Variants in CACNA2D4 observed in about 807,000 individuals in gnomAD.
CACNA2D4 encodes voltage-dependent calcium channel subunit alpha-2/delta-4.
CACNA2D4 carries 157 observed loss-of-function variants against 163.8 expected under a neutral mutation model. The observed-to-expected ratio is 0.96, with a 90% confidence interval of 0.84 to 1.09. The LOEUF is 1.09. CACNA2D4 is among the 50% of genes least tolerant of loss of function. CACNA2D4 has a pLI of 0.00. For missense variants in CACNA2D4, 1,410 were observed against 1,479.9 expected (o/e 0.95, Z 0.78); for synonymous variants, 598 against 586.9 (o/e 1.02, Z -0.27).
intron 26 of CACNA2D4, chr12:1,836,492 GGTCA>G (rs1242871285): frequency 4.7e-4 from 72 of 152,462 alleles, no homozygotes; most frequent in African/African-American, 1.7e-3. Flanking sequence ...CCTTTGAGGA[GGTCA>G]GTCCTGGCAG....
At chr12:1,840,484 CTG>C (rs1466086538) in intron 26 of CACNA2D4, among the ~76,000 whole-genome samples, 2 of 152,010 alleles carry the variant, frequency 1.3e-5, no homozygotes, top group Non-Finnish European at 2.9e-5. Context: ...GCTGCAGTCT[CTG>C]TTCCGTGTGG....
chr12:1,900,661 T>C (rs1465477881), intron 6 of CACNA2D4, among the ~76,000 whole-genome samples: 1 of 152,170 alleles, frequency 6.6e-6, no homozygotes, highest in Non-Finnish European at 1.5e-5. Flanking sequence ...ATAACAATTG[T>C]AAATATATAT....
intron 3 of CACNA2D4, among the ~76,000 whole-genome samples, chr12:1,910,770 G>C (rs1335726880): frequency 6.6e-6 from 1 of 152,186 alleles, no homozygotes; most frequent in Non-Finnish European, 1.5e-5. Flanking sequence ...CGTATTGTAT[G>C]ATTCCATTTA....
At position 1,802,643 on chromosome 12, in the gene CACNA2D4, G is replaced by T. The variant is rs1420644718; in HGVS notation, c.2722-999C>A. ...AGGCTGTCTTTAAAAATTGGGGATA[G>T]CGTGTGTCCGGCGTGTGGCTCCCAG... On this transcript the variant is annotated intron_variant, in intron 29 of 37. Transcript: ENST00000382722. The surrounding 1 kb of genome is among the most constrained non-coding windows in gnomAD (Gnocchi z 4.7). 2.6e-5 allele frequency among the ~76,000 whole-genome samples: 4 copies of T among 152,348 alleles called. No individual in the cohort carries two copies. In the East Asian group the frequency reaches 7.7e-4, roughly 29 times the overall value.
At chr12:1,813,438 C>T (rs1040897295) in intron 26 of CACNA2D4, among the ~76,000 whole-genome samples, 3 of 152,188 alleles carry the variant, frequency 2.0e-5, no homozygotes, top group Non-Finnish European at 2.9e-5. Flanking sequence ...TCTGTGCTGT[C>T]CTAAACGGTA....
intron 3 of CACNA2D4, among the ~76,000 whole-genome samples, chr12:1,912,198 TC>T (rs1339987625): frequency 4.6e-5 from 7 of 152,174 alleles, no homozygotes; most frequent in African/African-American, 1.7e-4. Context: ...AGCCAACCAC[TC>T]CCGATCTCCT....
chr12:1,908,176 G>A, intron 4 of CACNA2D4, 139 bp from the exon 5 acceptor site: 1 of 848,062 alleles, frequency 1.2e-6, no homozygotes, highest in Non-Finnish European at 1.8e-6. Flanking sequence ...CACCCGCGGC[G>A]GCGCGCTGGG....
rs1863340387 is a variant in CACNA2D4, at chr12:1,801,717, CTATT to C, written c.2722-77_2722-74del. 10 of 1,056,442 alleles carry C rather than the reference CTATT, an allele frequency of 9.5e-6. No homozygotes were observed. The Admixed American group carries it at 2.1e-4, about 23-fold the overall frequency. 65.4% of individuals were successfully genotyped at this position (1,056,442 alleles called of 1,614,324 possible). On this transcript the variant is annotated intron_variant, in intron 29 of 37. Coordinates refer to ENST00000382722, the MANE Select transcript of CACNA2D4 (RefSeq NM_172364.5). ...AGGATGGAGCCTTCCGAGTCCAGCA[CTATT>C]TATTCAGCTCAGGTCGAGGCTTTTG... is the stretch of plus-strand genomic sequence containing the variant.
chr12:1,809,989 T>C (rs1223144709), intron 29 of CACNA2D4, among the ~76,000 whole-genome samples: 1 of 151,922 alleles, frequency 6.6e-6, no homozygotes, highest in Non-Finnish European at 1.5e-5. Flanking sequence ...TGAGATGGGG[T>C]CACTGAGTGG....
chr12:1,874,699 T>C lies in CACNA2D4; in HGVS notation c.1807-24A>G. 6.4e-7 allele frequency: 1 copy of C among 1,560,028 alleles called. No homozygotes were observed. Among genetic ancestry groups the C allele is most frequent in the African/African-American group, 1.4e-5 (1 of 73,926 alleles). Reference sequence around the variant, plus strand: ...AGCTTCAGGAGGAAAGACAATGGCATTAGTTCCTTGGCTCACAGGGGATGG... The same window carrying C: ...AGCTTCAGGAGGAAAGACAATGGCACTAGTTCCTTGGCTCACAGGGGATGG... On this transcript the variant is annotated intron_variant, in intron 17 of 37. Coordinates refer to ENST00000382722, the MANE Select transcript of CACNA2D4 (RefSeq NM_172364.5). The surrounding 1 kb of genome is among the most constrained non-coding windows in gnomAD (Gnocchi z 4.4).
At chr12:1,854,979 C>G (rs1056030476) in intron 22 of CACNA2D4, among the ~76,000 whole-genome samples, 9 of 114,150 alleles carry the variant, frequency 7.9e-5, no homozygotes, top group African/African-American at 3.1e-4. Flanking sequence ...ATTTTTATCA[C>G]CCCCCAAAGG....
At position 1,833,549 on chromosome 12, in the gene CACNA2D4, G is replaced by T. The variant is rs1029508919; in HGVS notation, c.2551+7190C>A. On this transcript the variant is annotated intron_variant, in intron 26 of 37. Coordinates refer to ENST00000382722, the MANE Select transcript of CACNA2D4 (RefSeq NM_172364.5). The surrounding 1 kb of genome is among the most constrained non-coding windows in gnomAD (Gnocchi z 4.2). ...ACCAGCCTCCTCTCCTTGGCCTCGT[G>T]TGCCTCCAGGATTCCCCCTCCAGAT... Among the ~76,000 whole-genome samples the T allele has an allele frequency of 2.5e-4, 38 of 152,192 alleles. No individual in the cohort carries two copies. The highest frequency in any genetic ancestry group is 7.3e-5 in the Non-Finnish European group (5 of 68,032).
In CACNA2D4 at chr12:1,802,027, G is replaced by C. The variant is rs971626183; in HGVS notation, c.2722-383C>G. ...TTTGTTTTATATGCTGTGTGTGTGT[G>C]TGTGTGTGTGTGTGTGTGTGTGTGT... On this transcript the variant is annotated intron_variant, in intron 29 of 37. Transcript: ENST00000382722. The surrounding 1 kb of genome is among the most constrained non-coding windows in gnomAD (Gnocchi z 4.7). 3.4e-5 allele frequency among the ~76,000 whole-genome samples: 4 copies of C among 116,824 alleles called. No individual in the cohort carries two copies. The highest frequency in any genetic ancestry group is 1.2e-4 in the African/African-American group (4 of 33,448). The allele number at this position is 116,824 out of a possible 152,430, so 76.6% of individuals were successfully genotyped here. A position where few individuals can be genotyped will look rare whatever the true frequency, so the allele number is the denominator to read the frequency against.
intron 6 of CACNA2D4, among the ~76,000 whole-genome samples, chr12:1,896,606 AACACACACACAC>A (rs61535168): frequency 0.018 from 2,353 of 130,698 alleles, 60 homozygotes; most frequent in African/African-American, 0.054. Context: ...GCTATTAATA[AACACACACACAC>A]ACACACACAC....
At position 1,878,879 on chromosome 12, in the gene CACNA2D4, G is replaced by A; in HGVS notation, c.1644+77C>T. ...CAGCTCTGGGCTTGGCTTGCCTGGA[G>A]AGAGGCTCCCATCACGGGGGAGGGA... On this transcript the variant is annotated intron_variant, in intron 15 of 37. Transcript: ENST00000382722. This position sits in a 1 kb window ranked among gnomAD's most constrained non-coding sequence, Gnocchi z 4.6. 1.5e-6 allele frequency: 2 copies of A among 1,376,438 alleles called. No individual in the cohort carries two copies. Among genetic ancestry groups the A allele is most frequent in the Non-Finnish European group, 2.0e-6 (2 of 986,940 alleles). 85.3% of individuals were successfully genotyped at this position (1,376,438 alleles called of 1,614,324 possible).
chr12:1,794,477 C>A (rs59531145), intron 37 of CACNA2D4, among the ~76,000 whole-genome samples: 2 of 152,158 alleles, frequency 1.3e-5, no homozygotes, highest in Non-Finnish European at 2.9e-5. Context: ...CTCGGTCCCA[C>A]AAGGTGGCCG....
At chr12:1,897,791 G>A (rs1272908741) in intron 6 of CACNA2D4, among the ~76,000 whole-genome samples, 1 of 152,136 alleles carries the variant, frequency 6.6e-6, no homozygotes, top group Non-Finnish European at 1.5e-5. Context: ...AGTGTTGTAG[G>A]AGTTAATAAG....
At chr12:1,890,458 C>T (rs1866253321) in intron 6 of CACNA2D4, among the ~76,000 whole-genome samples, 1 of 152,206 alleles carries the variant, frequency 6.6e-6, no homozygotes, top group Admixed American at 6.5e-5. Context: ...GCAGTGAAAT[C>T]ACCACAAATT....
At chr12:1,816,655 T>C (rs1863883197) in intron 26 of CACNA2D4, among the ~76,000 whole-genome samples, 1 of 152,252 alleles carries the variant, frequency 6.6e-6, no homozygotes, top group South Asian at 2.1e-4. Context: ...GCAGGCGGCT[T>C]ATCAAGATGT....
Sources: gnomAD v4.1 joint callset for allele counts (sites outside exome capture counted in the v4.1 genomes callset) on GRCh38, gnomAD v4.1.1 for gene constraint, Gnocchi (gnomAD v3.1) non-coding constraint, MANE v1.5 for transcripts, NCBI Gene and HGNC (gene_info 2026-07-23, HGNC 2026-07-21) for gene names.